SYNE2: variants seen among roughly 807,000 people sequenced by gnomAD.
SYNE2 encodes nesprin-2.
A neutral mutation model predicts 856.3 loss-of-function variants in SYNE2; 431 were observed. The observed-to-expected ratio is 0.50, with a 90% CI of 0.47 to 0.55. The LOEUF (loss-of-function observed/expected upper bound fraction) is 0.55, where lower values mean the gene tolerates loss of function less well. SYNE2 is among the 20% of genes least tolerant of loss of function. SYNE2 has a pLI of 0.00. For missense variants in SYNE2, 8,129 were observed against 8,023.2 expected, an observed-to-expected ratio of 1.01 and a Z score of -0.50; for synonymous variants, 2,923 against 2,872.3, an observed-to-expected ratio of 1.02 and a Z score of -0.56.
At chr14:64,119,777 A>G (rs1441873496) in intron 67 of SYNE2, among the ~76,000 whole-genome samples, 168 bp downstream of exon 67, 1 of 152,138 alleles carries the variant, frequency 6.6e-6, no homozygotes, top group Non-Finnish European at 1.5e-5. Context: ...TGTTATTTTT[A>G]TTTCATTCTA....
intron 1 of SYNE2, among the ~76,000 whole-genome samples, chr14:63,880,461 G>T (rs894369561): frequency 6.6e-6 from 1 of 152,060 alleles, no homozygotes; most frequent in African/African-American, 2.4e-5. Flanking sequence ...CAATAATGCT[G>T]TAAGACTTTG....
rs112073990 is a variant in SYNE2 at position 63,873,188 on chromosome 14, A to G, written c.-52+20045A>G. ...TAGCTACTCATATTTGAAAATGGGTATACTCTAATCAGACTGATGTGAAGT... is the reference window on the plus strand; with the variant it reads ...TAGCTACTCATATTTGAAAATGGGTGTACTCTAATCAGACTGATGTGAAGT... On this transcript the variant is annotated intron_variant, in intron 1 of 115. Coordinates refer to ENST00000555002, the MANE Select transcript of SYNE2 (RefSeq NM_182914.3). Among the ~76,000 whole-genome samples the G allele has an allele frequency of 5.5e-3, 837 of 152,344 alleles. 5 individuals carry two copies. The highest frequency in any genetic ancestry group is 0.019 in the African/African-American group (773 of 41,588).
At chr14:64,120,078 A>C (rs1017548687) in intron 67 of SYNE2, among the ~76,000 whole-genome samples, 5 of 152,156 alleles carry the variant, frequency 3.3e-5, no homozygotes, top group African/African-American at 1.2e-4. Flanking sequence ...TGTTCTCATG[A>C]TTTTTAAAAG....
intron 50 of SYNE2, among the ~76,000 whole-genome samples, chr14:64,065,074 A>G (rs1485353965): frequency 6.6e-6 from 1 of 152,114 alleles, no homozygotes; most frequent in Non-Finnish European, 1.5e-5. Context: ...CATGTTGGCC[A>G]GGATGGTCTC....
chr14:63,939,298 C>A (rs904841906), intron 2 of SYNE2, among the ~76,000 whole-genome samples: 1 of 150,824 alleles, frequency 6.6e-6, no homozygotes, highest in Non-Finnish European at 1.5e-5. Flanking sequence ...AAGGGCTGTA[C>A]TCTGAGGGTT....
At chr14:63,899,484 G>A (rs1163401824) in intron 1 of SYNE2, among the ~76,000 whole-genome samples, 1 of 152,096 alleles carries the variant, frequency 6.6e-6, no homozygotes, top group Non-Finnish European at 1.5e-5. Context: ...TTACAGGCAT[G>A]AGTCACTGTG....
chr14:63,909,018 C>T, intron 1 of SYNE2, 80 bp from the exon 2 acceptor site: 1 of 756,970 alleles, frequency 1.3e-6, no homozygotes, highest in Non-Finnish European at 2.4e-6. Context: ...TTTTTGGTTG[C>T]TGCTGTTTTC....
chr14:63,991,618 A>G (rs1296931079), intron 21 of SYNE2, among the ~76,000 whole-genome samples: 2 of 152,212 alleles, frequency 1.3e-5, no homozygotes, highest in South Asian at 2.1e-4. Context: ...AGACAGTTTC[A>G]GGTTGATTTT....
At chr14:63,822,190 C>T (rs1005629285) in intron 1 of SYNE2, among the ~76,000 whole-genome samples, 6 of 146,088 alleles carry the variant, frequency 4.1e-5, no homozygotes, top group African/African-American at 1.6e-4. Flanking sequence ...GACTCTGTCT[C>T]AAAACAAAAC....
intron 84 of SYNE2, among the ~76,000 whole-genome samples, chr14:64,151,742 G>A (rs900603781): frequency 6.6e-6 from 1 of 152,106 alleles, no homozygotes; most frequent in African/African-American, 2.4e-5. Flanking sequence ...AGACTTGAGG[G>A]GAATTCAAAA....
At chr14:63,888,999 C>G (rs150398676) in intron 1 of SYNE2, among the ~76,000 whole-genome samples, 28 of 139,056 alleles carry the variant, frequency 2.0e-4, no homozygotes, top group Admixed American at 1.9e-3. Flanking sequence ...CTCAGGAGTT[C>G]AACACCACCC....
chr14:64,221,875 C>G (rs1485189759), intron 112 of SYNE2, among the ~76,000 whole-genome samples, 171 bp downstream of exon 112: 4 of 152,194 alleles, frequency 2.6e-5, no homozygotes, highest in Non-Finnish European at 4.4e-5. Context: ...CCGAGCTGCC[C>G]TTTGTAGTTC....
intron 1 of SYNE2, 91 bp from the exon 2 acceptor site, chr14:63,909,007 G>A (rs1439326440): frequency 2.7e-6 from 2 of 727,386 alleles, no homozygotes; most frequent in Non-Finnish European, 5.0e-6. Flanking sequence ...TTGGAGGACA[G>A]TTTTTGGTTG....
At position 64,152,569 on chromosome 14, in the gene SYNE2, A is replaced by G. The variant is rs2153704568; in HGVS notation, c.15645A>G (p.Ile5215Met). 6.2e-7 allele frequency: 1 copy of G among 1,614,058 alleles called. No homozygotes were observed. Residue 5215 changes from isoleucine to methionine, a missense_variant, in exon 85 of 116, where the codon ATA becomes ATG. This residue lies in a region of SYNE2 where 5,410 missense variants were observed against 5,284.8 expected (regional missense o/e 1.02). Coordinates refer to ENST00000555002, the MANE Select transcript of SYNE2 (RefSeq NM_182914.3). ...TTTTCCTCTTACTCTTCCAGGATAT[A>G]GAAAATCAACTTGCAATTAAATCCA... The part of the protein sequence containing the change: ...VQKLLLDCQD[I>M]ENQLAIKSKA...
intron 1 of SYNE2, among the ~76,000 whole-genome samples, chr14:63,800,039 G>C (rs1888072395): frequency 6.6e-6 from 1 of 152,046 alleles, no homozygotes; most frequent in South Asian, 2.1e-4. Flanking sequence ...TTTAAAATAA[G>C]AACTCTAGTT....
At chr14:64,189,778 C>A (rs2098509323) in intron 98 of SYNE2, among the ~76,000 whole-genome samples, 1 of 151,976 alleles carries the variant, frequency 6.6e-6, no homozygotes, top group Admixed American at 6.5e-5. Context: ...CTCAAGGGGT[C>A]CTCCCACCTC....
At chr14:64,058,740 C>T (rs1457594384) in intron 49 of SYNE2, among the ~76,000 whole-genome samples, 1 of 152,186 alleles carries the variant, frequency 6.6e-6, no homozygotes, top group Non-Finnish European at 1.5e-5. Flanking sequence ...CTCTGCCACC[C>T]AAAGTGTTGG....
In SYNE2 at chr14:64,121,006, C is replaced by T; in HGVS notation, c.13103C>T (p.Ser4368Phe). Reference sequence around the variant, plus strand: ...CCAGTTAACCTTTCTGAATTGGAATCCATTGTAACTGAAAGGCCACAATTC... The same window carrying T: ...CCAGTTAACCTTTCTGAATTGGAATTCATTGTAACTGAAAGGCCACAATTC... ...LQPVNLSELE[S>F]IVTERPQFSR... Residue 4368 changes from serine (S) to phenylalanine (F), a missense_variant, in exon 68 of 116, where the codon TCC becomes TTC. By Grantham distance (155) the Ser-to-Phe change is radical. Around this residue, in one of 3 missense-constraint regions of SYNE2, gnomAD observed 5,410 missense variants for 5,284.8 expected, o/e 1.02. Coordinates refer to ENST00000555002, the MANE Select transcript of SYNE2 (RefSeq NM_182914.3). The T allele has an allele frequency of 6.2e-7, 1 of 1,614,176 alleles. No homozygotes were observed. Among genetic ancestry groups the T allele is most frequent in the Non-Finnish European group, 8.5e-7 (1 of 1,180,020 alleles).
At chr14:64,023,859 G>T in intron 38 of SYNE2, 1 of 220,240 alleles carries the variant, frequency 4.5e-6, no homozygotes, top group African/African-American at 2.3e-5. Flanking sequence ...TTGCTTGTTT[G>T]CCTTTAATTT....
Sources: allele counts gnomAD v4.1 joint callset (sites outside exome capture counted in the v4.1 genomes callset), GRCh38; gene constraint gnomAD v4.1.1; regional missense constraint gnomAD v4.1.1; transcripts MANE v1.5; gene names NCBI Gene and HGNC (gene_info 2026-07-23, HGNC 2026-07-21).